Variants in TRAF3IP1 observed in about 807,000 individuals in gnomAD.
TRAF3IP1 encodes TRAF3-interacting protein 1.
A neutral mutation model predicts 89.9 loss-of-function variants in TRAF3IP1; 53 were observed. That is an observed-to-expected ratio of 0.59 (90% CI 0.47 to 0.74). TRAF3IP1 has a LOEUF of 0.74. Ranked by LOEUF, TRAF3IP1 falls within the 30% of genes least tolerant of loss-of-function variation. The probability of loss-of-function intolerance (pLI) is 0.00; values close to 1 mark genes in which losing one functional copy is unlikely to be tolerated. For synonymous variants in TRAF3IP1, 311 were observed against 322.1 expected (o/e 0.97, Z 0.37); for missense variants, 806 against 866.1 (o/e 0.93, Z 0.87).
At chr2:238,378,888 G>A (rs1700433142) in intron 15 of TRAF3IP1, among the ~76,000 whole-genome samples, 1 of 152,160 alleles carries the variant, frequency 6.6e-6, no homozygotes, top group South Asian at 2.1e-4. Flanking sequence ...TTTGCGGTCA[G>A]TCTTTGCTGA....
intron 15 of TRAF3IP1, among the ~76,000 whole-genome samples, chr2:238,369,278 G>A (rs916702128): frequency 2.0e-5 from 3 of 152,150 alleles, no homozygotes; most frequent in Admixed American, 6.5e-5. Flanking sequence ...GGGTTTAGAA[G>A]CAGGCAAAGC....
chr2:238,388,554 A>T (rs573767897), intron 15 of TRAF3IP1, among the ~76,000 whole-genome samples: 1 of 151,606 alleles, frequency 6.6e-6, no homozygotes, highest in South Asian at 2.1e-4. Flanking sequence ...TTCTTTTGTA[A>T]ATTGAATGCA....
chr2:238,341,055 C>T (rs1698628670), intron 8 of TRAF3IP1, among the ~76,000 whole-genome samples: 2 of 152,144 alleles, frequency 1.3e-5, no homozygotes, highest in Non-Finnish European at 2.9e-5. Context: ...GGGCTTTGCT[C>T]TGTCACTCAG....
Position 238,359,097 on chromosome 2 carries a change from T to G in TRAF3IP1, c.1689+3017T>G, listed in dbSNP as rs1211872524. Among the ~76,000 whole-genome samples, 3 of 152,246 alleles carry G rather than the reference T, an allele frequency of 2.0e-5. No individual in the cohort carries two copies. In the East Asian group the frequency reaches 5.8e-4, roughly 29 times the overall value. ...TACTTTACAAAAACAAGGTCCAGGC[T>G]GTGGGCTATAGTTTACTGATTTCAG... On this transcript the variant is annotated intron_variant, in intron 15 of 16. Coordinates refer to ENST00000373327, the MANE Select transcript of TRAF3IP1 (RefSeq NM_015650.4).
intron 15 of TRAF3IP1, among the ~76,000 whole-genome samples, chr2:238,391,670 G>T (rs1701000266): frequency 6.6e-6 from 1 of 152,020 alleles, no homozygotes; most frequent in Admixed American, 6.6e-5. Context: ...TCCAAATTCT[G>T]CTTGGTCCTG....
chr2:238,339,283 G>C (rs898605006), intron 8 of TRAF3IP1, among the ~76,000 whole-genome samples: 23 of 152,238 alleles, frequency 1.5e-4, no homozygotes, highest in Non-Finnish European at 2.5e-4. Flanking sequence ...CTATATGGGA[G>C]TTGTCTGGGT....
chr2:238,328,634 G>A, intron 3 of TRAF3IP1, 52 bp from the exon 4 acceptor site: 3 of 1,586,104 alleles, frequency 1.9e-6, no homozygotes, highest in Non-Finnish European at 1.7e-6. Flanking sequence ...TTTGTTACGT[G>A]TGCGGATCTC....
rs1460609595 is a variant in TRAF3IP1, at chr2:238,345,855, G to A, written c.1261+1257G>A. Among the ~76,000 whole-genome samples, 3 of 152,130 alleles carry A rather than the reference G, an allele frequency of 2.0e-5. No individual in the cohort carries two copies. Among genetic ancestry groups the A allele is most frequent in the East Asian group, 3.9e-4 (2 of 5,178 alleles). On this transcript the variant is annotated intron_variant, in intron 9 of 16. Transcript: ENST00000373327. The surrounding 1 kb of genome is among the most constrained non-coding windows in gnomAD (Gnocchi z 4.7). ...GTGCAGGAGCTGGCAGAGCACTGGC[G>A]CTGTGGAAGCACAGGCGTCGGGGAG... is the stretch of plus-strand genomic sequence containing the variant.
At chr2:238,337,649 A>G (rs920470346) in intron 7 of TRAF3IP1, among the ~76,000 whole-genome samples, 1 of 152,242 alleles carries the variant, frequency 6.6e-6, no homozygotes, top group Non-Finnish European at 1.5e-5. Flanking sequence ...TGGTGACAGC[A>G]GAGTGGGTTT....
chr2:238,322,936 T>C (rs1022734773), intron 1 of TRAF3IP1, among the ~76,000 whole-genome samples: 18 of 152,198 alleles, frequency 1.2e-4, no homozygotes, highest in African/African-American at 4.1e-4. Context: ...GAGCCTCTTA[T>C]GAAAATGCTT....
chr2:238,373,374 A>G (rs1455684834), intron 15 of TRAF3IP1, among the ~76,000 whole-genome samples: 3 of 152,220 alleles, frequency 2.0e-5, no homozygotes, highest in South Asian at 4.1e-4. Flanking sequence ...TCCCAGCACC[A>G]TTTATTAAAT....
At chr2:238,353,301 C>A in intron 14 of TRAF3IP1, 92 bp downstream of exon 14, 1 of 1,403,934 alleles carries the variant, frequency 7.1e-7, no homozygotes. Flanking sequence ...GTGCAAGGGA[C>A]TGTTGTGTGC....
Position 238,349,392 on chromosome 2 carries a change from G to A in TRAF3IP1, c.1435G>A (p.Ala479Thr), listed in dbSNP as rs754461497. Residue 479 changes from alanine (A) to threonine (T), a missense_variant, in exon 12 of 17, where the codon GCG (alanine) becomes ACG (threonine). Around this residue, in one of 3 missense-constraint regions of TRAF3IP1, gnomAD observed 732 missense variants for 780.5 expected, o/e 0.94. Coordinates refer to ENST00000373327, the MANE Select transcript of TRAF3IP1 (RefSeq NM_015650.4). ...GGTCAAACGGCAAGACAGCATGGAG[G>A]CGCTACAAATGGATAGGTAAGGCTG... ...PRVKRQDSME[A>T]LQMDRSGSGK... 1.3e-5 allele frequency: 21 copies of A among 1,614,116 alleles called. No individual in the cohort carries two copies. Among genetic ancestry groups the A allele is most frequent in the South Asian group, 4.4e-5 (4 of 91,072 alleles).
At chr2:238,361,823 A>C (rs772782373) in intron 15 of TRAF3IP1, among the ~76,000 whole-genome samples, 5 of 152,062 alleles carry the variant, frequency 3.3e-5, no homozygotes, top group Non-Finnish European at 7.4e-5. Context: ...AATCGTATTG[A>C]TCTTCGCTTG....
rs1298709721 is a variant in TRAF3IP1 at position 238,399,948 on chromosome 2, G to T, written c.*1029G>T. Reference sequence around the variant, plus strand: ...TTGTAAATACTTAGCAGAGTCTTAAGTTACTGTATAAAACATTTCATTGTG... The same window carrying T: ...TTGTAAATACTTAGCAGAGTCTTAATTTACTGTATAAAACATTTCATTGTG... On this transcript the variant is annotated 3_prime_UTR_variant, in exon 17 of 17. Coordinates refer to ENST00000373327, the MANE Select transcript of TRAF3IP1 (RefSeq NM_015650.4). 1 of 152,134 alleles carries T rather than the reference G, an allele frequency of 6.6e-6. No individual in the cohort carries two copies. Among genetic ancestry groups the T allele is most frequent in the African/African-American group, 2.4e-5 (1 of 41,426 alleles). 9.4% of individuals were successfully genotyped at this position (152,134 alleles called of 1,614,324 possible).
intron 15 of TRAF3IP1, among the ~76,000 whole-genome samples, chr2:238,378,070 C>A (rs1369428458): frequency 6.6e-6 from 1 of 151,894 alleles, no homozygotes; most frequent in Non-Finnish European, 1.5e-5. Context: ...CTTACTTAGG[C>A]ATTTTTCTTT....
intron 15 of TRAF3IP1, among the ~76,000 whole-genome samples, chr2:238,396,273 G>T (rs1273744794): frequency 1.3e-5 from 2 of 150,464 alleles, no homozygotes; most frequent in South Asian, 2.1e-4. Context: ...GCAAACTGTC[G>T]CAAGGACAAA....
chr2:238,340,595 C>T (rs1214907682), intron 8 of TRAF3IP1, among the ~76,000 whole-genome samples: 2 of 152,076 alleles, frequency 1.3e-5, no homozygotes, highest in East Asian at 1.9e-4. Flanking sequence ...ATGCTTTGTT[C>T]GCTTTACAAT....
rs545716157 is a variant in TRAF3IP1 at position 238,330,391 on chromosome 2, T to C, written c.915+1049T>C. Among the ~76,000 whole-genome samples, 3 of 152,338 alleles carry C rather than the reference T, an allele frequency of 2.0e-5. No homozygotes were observed. In the South Asian group the frequency reaches 6.2e-4, roughly 32 times the overall value. On this transcript the variant is annotated intron_variant, in intron 5 of 16. Transcript: ENST00000373327. The stretch of plus-strand genomic sequence containing the variant: ...GACCCACCATGTGTGTTGGGGACGT[T>C]TTCCCAGACACCCAGACACGCATTC...
Sources: allele counts gnomAD v4.1 joint callset (sites outside exome capture counted in the v4.1 genomes callset), GRCh38; gene constraint gnomAD v4.1.1; regional missense constraint gnomAD v4.1.1; non-coding constraint Gnocchi (gnomAD v3.1); transcripts MANE v1.5; gene names NCBI Gene and HGNC (gene_info 2026-07-23, HGNC 2026-07-21).